The following TAFA1 variants were observed in gnomAD, a reference collection of about 807,000 sequenced individuals.
TAFA1 encodes the protein TAFA chemokine like family member 1.
Under a neutral mutation model 18.5 loss-of-function variants are expected in TAFA1, and 4 were observed. The ratio of observed to expected loss-of-function variants is 0.22; its 90% CI spans 0.11 to 0.49. TAFA1 has a LOEUF of 0.49. TAFA1 is among the 20% of genes least tolerant of loss of function. The pLI is 0.98. For synonymous variants in TAFA1, 56 were observed against 55.2 expected (o/e 1.01, Z -0.06); for missense variants, 147 against 169.0 (o/e 0.87, Z 0.72).
chr3:68,003,623 G>C (rs150360027), upstream of TAFA1, among the ~76,000 whole-genome samples: 591 of 151,054 alleles, frequency 3.9e-3, 6 homozygotes, highest in African/African-American at 0.014. Context: ...AAGAAGAAAG[G>C]GTTCAAACCG....
At chr3:68,487,473 C>T (rs963272397) in intron 3 of TAFA1, among the ~76,000 whole-genome samples, 4 of 152,024 alleles carry the variant, frequency 2.6e-5, no homozygotes, top group African/African-American at 4.8e-5. Flanking sequence ...GTTGGCCAGG[C>T]GTGGTAGCTT....
At chr3:68,229,153 T>C (rs944670024) in intron 2 of TAFA1, among the ~76,000 whole-genome samples, 1 of 152,204 alleles carries the variant, frequency 6.6e-6, no homozygotes, top group Admixed American at 6.5e-5. Context: ...ACAATAGTCT[T>C]AGCAGCATTT....
intron 2 of TAFA1, among the ~76,000 whole-genome samples, chr3:68,013,774 C>T (rs1704518760): frequency 6.6e-6 from 1 of 152,088 alleles, no homozygotes; most frequent in Admixed American, 6.6e-5. Context: ...ACTCTGTTGG[C>T]CCATTATTTC....
At chr3:68,139,418 C>T (rs2065643948) in intron 2 of TAFA1, among the ~76,000 whole-genome samples, 2 of 152,068 alleles carry the variant, frequency 1.3e-5, no homozygotes, top group South Asian at 2.1e-4. Context: ...TGTATAATTT[C>T]CCAAGAATTC....
chr3:68,251,002 T>A (rs1226863022), intron 2 of TAFA1: 2 of 152,116 alleles, frequency 1.3e-5, no homozygotes, highest in African/African-American at 4.8e-5. Flanking sequence ...TTTAGTTTCA[T>A]GCCATACCAT....
At chr3:68,500,879 A>G (rs965446646) in intron 3 of TAFA1, among the ~76,000 whole-genome samples, 6 of 152,012 alleles carry the variant, frequency 3.9e-5, no homozygotes, top group Non-Finnish European at 8.8e-5. Flanking sequence ...AAGAGGGGGA[A>G]AATGGGCCAG....
intron 2 of TAFA1, among the ~76,000 whole-genome samples, chr3:68,328,126 C>T (rs2068806829): frequency 6.6e-6 from 1 of 152,026 alleles, no homozygotes. Flanking sequence ...GATCTAGGAT[C>T]TCATTTTTCT....
At chr3:68,435,109 G>C (rs141579966) in intron 3 of TAFA1, among the ~76,000 whole-genome samples, 57 of 152,210 alleles carry the variant, frequency 3.7e-4, no homozygotes, top group Admixed American at 3.0e-3. Context: ...GTTAAATGAT[G>C]GAAGCAGGAG....
At chr3:68,431,848 C>T (rs2071180578) in intron 3 of TAFA1, among the ~76,000 whole-genome samples, 1 of 151,932 alleles carries the variant, frequency 6.6e-6, no homozygotes, top group African/African-American at 2.4e-5. Flanking sequence ...AAGAGCCGAG[C>T]TCCCCGAAAA....
chr3:68,067,205 T>A (rs2064689341), intron 2 of TAFA1, among the ~76,000 whole-genome samples: 1 of 152,180 alleles, frequency 6.6e-6, no homozygotes, highest in Non-Finnish European at 1.5e-5. Context: ...GGTCCTTGTT[T>A]TGAATTCCAT....
intron 3 of TAFA1, among the ~76,000 whole-genome samples, chr3:68,457,074 G>A (rs930475563): frequency 4.6e-5 from 7 of 152,174 alleles, no homozygotes; most frequent in African/African-American, 1.7e-4. Flanking sequence ...CTGTTCACTT[G>A]GAGATAATTA....
intron 2 of TAFA1, among the ~76,000 whole-genome samples, chr3:68,082,432 A>G (rs909581024): frequency 6.6e-6 from 1 of 152,258 alleles, no homozygotes; most frequent in Non-Finnish European, 1.5e-5. Flanking sequence ...ACATAGGGTT[A>G]TAAGTCTGAA....
At chr3:68,220,025 G>T (rs2066710513) in intron 2 of TAFA1, among the ~76,000 whole-genome samples, 1 of 152,150 alleles carries the variant, frequency 6.6e-6, no homozygotes, top group South Asian at 2.1e-4. Flanking sequence ...ATCCTTTGAG[G>T]TTTTAATATG....
intron 2 of TAFA1, among the ~76,000 whole-genome samples, chr3:68,349,546 C>G (rs753912416): frequency 9.9e-5 from 15 of 152,036 alleles, no homozygotes; most frequent in Non-Finnish European, 8.8e-5. Flanking sequence ...AAATTTTCAG[C>G]TGGCATTTTA....
At chr3:67,992,808 T>C in the TAFA1 span, among the ~76,000 whole-genome samples, 1 of 152,340 alleles carries the variant, frequency 6.6e-6, no homozygotes, top group African/African-American at 2.4e-5. Context: ...TATGATTGTA[T>C]TCTCTGCTTC....
intron 2 of TAFA1, among the ~76,000 whole-genome samples, chr3:68,050,677 T>C (rs7433022): frequency 0.51 from 77,556 of 151,906 alleles, 20,187 homozygotes; most frequent in South Asian, 0.64. Flanking sequence ...TGCCACTTAC[T>C]ATTTAAGAGG....
chr3:68,443,234 C>G (rs1264379840), intron 3 of TAFA1, among the ~76,000 whole-genome samples: 1 of 152,064 alleles, frequency 6.6e-6, no homozygotes, highest in South Asian at 2.1e-4. Flanking sequence ...AACATCCTTC[C>G]TCTAAGAAGC....
At chr3:68,207,684 A>G (rs532914640) in intron 2 of TAFA1, among the ~76,000 whole-genome samples, 35 of 152,126 alleles carry the variant, frequency 2.3e-4, no homozygotes, top group African/African-American at 8.4e-4. Context: ...TAAAAATTTC[A>G]TTAAAATATC....
At chr3:68,287,905 G>A (rs2068040019) in intron 2 of TAFA1, among the ~76,000 whole-genome samples, 1 of 102,774 alleles carries the variant, frequency 9.7e-6, no homozygotes, top group Non-Finnish European at 2.0e-5. Context: ...TTTTGTTTTT[G>A]TTGGGGGGTG....
Sources: allele counts gnomAD v4.1 joint callset (sites outside exome capture counted in the v4.1 genomes callset), GRCh38; gene constraint gnomAD v4.1.1; transcripts MANE v1.5; gene names NCBI Gene and HGNC (gene_info 2026-07-23, HGNC 2026-07-21).